OXSR1: variants seen among roughly 807,000 people sequenced by gnomAD.
The protein encoded by OXSR1 is oxidative stress responsive kinase 1, also known as serine/threonine-protein kinase OSR1.
OXSR1 carries 24 observed loss-of-function variants against 79.8 expected under a neutral mutation model. The observed-to-expected ratio is 0.30, with a 90% CI of 0.22 to 0.42. The LOEUF (loss-of-function observed/expected upper bound fraction) is 0.42, where lower values mean the gene tolerates loss of function less well. OXSR1 is among the 10% of genes least tolerant of loss of function. The probability of loss-of-function intolerance (pLI) is 1.00; values close to 1 mark genes in which losing one functional copy is unlikely to be tolerated. For synonymous variants in OXSR1, 226 were observed against 209.2 expected (o/e 1.08, Z -0.69); for missense variants, 430 against 618.4 (o/e 0.70, Z 3.23).
chr3:38,226,520 A>G (rs1173843885), intron 8 of OXSR1, among the ~76,000 whole-genome samples: 1 of 152,018 alleles, frequency 6.6e-6, no homozygotes, highest in Non-Finnish European at 1.5e-5. Flanking sequence ...AAAAATAGCA[A>G]CTTTACAATG....
Position 38,253,284 on chromosome 3 carries a change from G to T in OXSR1, c.*393G>T. On this transcript the variant is annotated 3_prime_UTR_variant, in exon 18 of 18. Coordinates refer to ENST00000311806, the MANE Select transcript of OXSR1 (RefSeq NM_005109.3). The stretch of plus-strand genomic sequence containing the variant: ...CTGCCTGTTCCCCCACACCTGCCAG[G>T]ATATGGACATCTTGGGATATCTCTT... The T allele has an allele frequency of 5.3e-6, 1 of 189,732 alleles. No homozygotes were observed. Among genetic ancestry groups the T allele is most frequent in the Admixed American group, 5.6e-5 (1 of 17,774 alleles). The allele number at this position is 189,732 out of a possible 1,614,324, so 11.8% of individuals were successfully genotyped here.
rs368493165 is a variant in OXSR1 at position 38,252,894 on chromosome 3, C to G, written c.*3C>G. 4 of 1,612,610 alleles carry G rather than the reference C, an allele frequency of 2.5e-6. No homozygotes were observed. Among genetic ancestry groups the G allele is most frequent in the Non-Finnish European group, 3.4e-6 (4 of 1,178,748 alleles). Reference sequence around the variant, plus strand: ...TTGCCCAGCTCAGCATCAGCTAAACCACAACCCTGGAAGAGGCGGCCTAAG... The same window carrying G: ...TTGCCCAGCTCAGCATCAGCTAAACGACAACCCTGGAAGAGGCGGCCTAAG... On this transcript the variant is annotated 3_prime_UTR_variant, in exon 18 of 18. Transcript: ENST00000311806.
At chr3:38,228,476 C>A (rs550849378) in intron 8 of OXSR1, among the ~76,000 whole-genome samples, 55 of 152,200 alleles carry the variant, frequency 3.6e-4, no homozygotes, top group African/African-American at 1.3e-3. Flanking sequence ...ACTTGAATGC[C>A]TATTGGAATT....
At chr3:38,182,895 T>C (rs1314719559) in intron 1 of OXSR1, 108 bp from the exon 2 acceptor site, 6 of 605,176 alleles carry the variant, frequency 9.9e-6, no homozygotes, top group Non-Finnish European at 1.4e-5. Context: ...TGTTATGCGC[T>C]GTAGGAACAA....
At chr3:38,186,626 A>G (rs1041201147) in intron 2 of OXSR1, among the ~76,000 whole-genome samples, 5 of 152,292 alleles carry the variant, frequency 3.3e-5, no homozygotes, top group Admixed American at 6.5e-5. Context: ...ATATTGTAGC[A>G]TGTATCAGTT....
chr3:38,165,948 TGA>T lies in OXSR1; in HGVS notation c.70+6_70+7del, dbSNP rs760824209. On this transcript the variant is annotated splice_donor_region_variant and intron_variant, in intron 1 of 17. Coordinates refer to ENST00000311806, the MANE Select transcript of OXSR1 (RefSeq NM_005109.3). ...ATTACGAGCTGCAGGAGGTGATCGG[TGA>T]GAGCAGGCGCTGCGGAGGGGGGAGG... 1 of 1,608,644 alleles carries T rather than the reference TGA, an allele frequency of 6.2e-7. No homozygotes were observed. The highest frequency in any genetic ancestry group is 8.5e-7 in the Non-Finnish European group (1 of 1,178,602).
In OXSR1 at chr3:38,242,734, T is replaced by C; in HGVS notation, c.1075-9T>C. The C allele has an allele frequency of 6.5e-7, 1 of 1,539,588 alleles. No homozygotes were observed. Among genetic ancestry groups the C allele is most frequent in the Non-Finnish European group, 8.9e-7 (1 of 1,128,122 alleles). On this transcript the variant is annotated splice_polypyrimidine_tract_variant and intron_variant, in intron 11 of 17. Coordinates refer to ENST00000311806, the MANE Select transcript of OXSR1 (RefSeq NM_005109.3). ...GAGTTAACAATCATCCTTTTTGTAT[T>C]TCGTTTAGTCTCCCCGAGTGAAAGA...
intron 10 of OXSR1, among the ~76,000 whole-genome samples, chr3:38,231,971 G>A (rs1201977079): frequency 2.0e-5 from 3 of 152,128 alleles, no homozygotes; most frequent in Non-Finnish European, 4.4e-5. Flanking sequence ...GCCTGGTGTG[G>A]TAGTACATGT....
intron 10 of OXSR1, among the ~76,000 whole-genome samples, chr3:38,235,654 A>C (rs559687751): frequency 4.6e-5 from 7 of 152,278 alleles, no homozygotes; most frequent in African/African-American, 1.7e-4. Flanking sequence ...TCTTCCAGGG[A>C]GGGGGGAAAT....
upstream of OXSR1, chr3:38,165,074 G>T (rs1048007842): frequency 6.6e-6 from 1 of 152,272 alleles, no homozygotes; most frequent in African/African-American, 2.4e-5. Flanking sequence ...AGACGAGCGC[G>T]GTAACGGAGC....
At chr3:38,201,355 A>G (rs1211419792) in intron 4 of OXSR1, among the ~76,000 whole-genome samples, 1 of 151,500 alleles carries the variant, frequency 6.6e-6, no homozygotes, top group Non-Finnish European at 1.5e-5. Flanking sequence ...TGAGCCCAGG[A>G]GTTTAATACC....
At chr3:38,221,140 C>T (rs1283300087) in intron 5 of OXSR1, among the ~76,000 whole-genome samples, 12 of 151,640 alleles carry the variant, frequency 7.9e-5, no homozygotes, top group Non-Finnish European at 2.9e-5. Flanking sequence ...AGGGCCATGT[C>T]AAAGTGATAA....
rs2125828522 is a variant in OXSR1, at chr3:38,211,044, T to C, written c.435-5052T>C. On this transcript the variant is annotated intron_variant, in intron 4 of 17. Transcript: ENST00000311806. ...GGCCTGCTTGCCAAATAAACTTTCA[T>C]GGGACTATTTGGGCAGATTCACAAT... is the stretch of plus-strand genomic sequence containing the variant. Among the ~76,000 whole-genome samples, 2 of 152,324 alleles carry C rather than the reference T, an allele frequency of 1.3e-5. 1 individual carries two copies. The highest frequency in any genetic ancestry group is 4.1e-4 in the South Asian group (2 of 4,822).
At chr3:38,166,092 T>G in intron 1 of OXSR1, 146 bp downstream of exon 1, 1 of 700,292 alleles carries the variant, frequency 1.4e-6, no homozygotes, top group African/African-American at 1.9e-5. Flanking sequence ...AGGACGCTTG[T>G]GTCGAGGAGC....
Position 38,183,008 on chromosome 3 carries a change from G to A in OXSR1, c.76G>A (p.Gly26Arg). The A allele has an allele frequency of 6.3e-7, 1 of 1,593,700 alleles. No individual in the cohort carries two copies. Among genetic ancestry groups the A allele is most frequent in the Non-Finnish European group, 8.6e-7 (1 of 1,165,348 alleles). ...DYELQEVIGS[G>R]ATAVVQAAYC... ...TTTTATGTATTTGTTTTTAGGGAGT[G>A]GAGCAACTGCTGTAGTCCAAGCAGC... Residue 26 changes from glycine (G) to arginine (R), a missense_variant, in exon 2 of 18, where the codon GGA becomes AGA. This residue lies in a region of OXSR1 where 145 missense variants were observed against 228.3 expected (regional missense o/e 0.64). Transcript: ENST00000311806.
At position 38,168,018 on chromosome 3, in the gene OXSR1, C is replaced by T. The variant is rs140612692; in HGVS notation, c.70+2072C>T. 2.7e-3 allele frequency among the ~76,000 whole-genome samples: 404 copies of T among 151,574 alleles called. 2 individuals are homozygous for T. Among genetic ancestry groups the T allele is most frequent in the Admixed American group, 4.1e-3 (63 of 15,220 alleles). The stretch of plus-strand genomic sequence containing the variant: ...AGAGTTGCAAAGGCGCTAGAGATTT[C>T]GTGATTTGTTAATTTGGTGTCCTCA... On this transcript the variant is annotated intron_variant, in intron 1 of 17. Transcript: ENST00000311806.
At chr3:38,186,241 A>AT (rs548624893) in intron 2 of OXSR1, among the ~76,000 whole-genome samples, 266 of 150,508 alleles carry the variant, frequency 1.8e-3, no homozygotes, top group African/African-American at 5.8e-3. Flanking sequence ...GTCTTTGAAG[A>AT]TTTTTTTTTT....
intron 7 of OXSR1, 143 bp from the exon 8 acceptor site, chr3:38,224,428 A>G (rs1702648011): frequency 4.8e-6 from 3 of 627,396 alleles, no homozygotes; most frequent in Non-Finnish European, 8.2e-6. Flanking sequence ...TCTGGGTTTT[A>G]AACAACTGAT....
intron 4 of OXSR1, among the ~76,000 whole-genome samples, chr3:38,208,993 C>CAT (rs1702327145): frequency 6.6e-6 from 1 of 151,140 alleles, no homozygotes; most frequent in African/African-American, 2.5e-5. Flanking sequence ...TGTGCGCGCG[C>CAT]GCGTGCGCGC....
Sources: gnomAD v4.1 joint callset for allele counts (sites outside exome capture counted in the v4.1 genomes callset) on GRCh38, gnomAD v4.1.1 for gene constraint, gnomAD v4.1.1 regional missense constraint, MANE v1.5 for transcripts, NCBI Gene and HGNC (gene_info 2026-07-23, HGNC 2026-07-21) for gene names.